BAIAP2L1: variants seen among roughly 807,000 people sequenced by gnomAD.
BAIAP2L1 encodes BAR/IMD domain-containing adapter protein 2-like 1.
Under a neutral mutation model 66.3 loss-of-function variants are expected in BAIAP2L1, and 35 were observed. The ratio of observed to expected loss-of-function variants is 0.53; its 90% CI spans 0.40 to 0.70. BAIAP2L1 has a LOEUF of 0.70. Among genes scored for constraint, BAIAP2L1 ranks in the 30% least tolerant of loss-of-function variants. The probability of loss-of-function intolerance (pLI) is 0.00; values close to 1 mark genes in which losing one functional copy is unlikely to be tolerated. For synonymous variants in BAIAP2L1, 269 were observed against 248.7 expected (o/e 1.08, Z -0.77); for missense variants, 622 against 656.9 (o/e 0.95, Z 0.58).
At position 98,293,499 on chromosome 7, in the gene BAIAP2L1, G is replaced by T. The variant is rs779072823; in HGVS notation, c.*22C>A. ...CCGCAAGGGAGAACCGGAGAGGCCCGGGAGAGTCCTTGGCTGTCCTCTCAT... is the reference window on the plus strand; with the variant it reads ...CCGCAAGGGAGAACCGGAGAGGCCCTGGAGAGTCCTTGGCTGTCCTCTCAT... On this transcript the variant is annotated 3_prime_UTR_variant, in exon 14 of 14. Transcript: ENST00000005260. The T allele has an allele frequency of 3.7e-6, 6 of 1,606,534 alleles. No homozygotes were observed. In the Admixed American group the frequency reaches 1.0e-4, roughly 27 times the overall value.
chr7:98,363,277 C>T lies in BAIAP2L1; in HGVS notation c.52-845G>A, dbSNP rs538461630. Among the ~76,000 whole-genome samples, 259 of 152,092 alleles carry T rather than the reference C, an allele frequency of 1.7e-3. 1 individual carries two copies. The highest frequency in any genetic ancestry group is 5.6e-3 in the African/African-American group (234 of 41,494). ...CTCGAACTCCTGACCTCAGGTTATC[C>T]GCGTACCTTGGCCTCCCAAAATGCT... On this transcript the variant is annotated intron_variant, in intron 1 of 13. Coordinates refer to ENST00000005260, the MANE Select transcript of BAIAP2L1 (RefSeq NM_018842.5).
chr7:98,302,930 A>G (rs1342240106), intron 12 of BAIAP2L1, among the ~76,000 whole-genome samples: 9 of 152,120 alleles, frequency 5.9e-5, no homozygotes, highest in African/African-American at 4.8e-5. Context: ...GACTACAGAC[A>G]TGTGCCACCG....
chr7:98,387,766 C>G (rs1051977737), intron 1 of BAIAP2L1, among the ~76,000 whole-genome samples: 1 of 151,730 alleles, frequency 6.6e-6, no homozygotes, highest in African/African-American at 2.4e-5. Context: ...ACTCAGAAGG[C>G]TGGGGCAGGA....
intron 1 of BAIAP2L1, among the ~76,000 whole-genome samples, chr7:98,390,552 C>T (rs576163205): frequency 6.6e-6 from 1 of 151,698 alleles, no homozygotes; most frequent in African/African-American, 2.4e-5. Flanking sequence ...CACGGTGAAA[C>T]CCCGTCTCTA....
intron 12 of BAIAP2L1, among the ~76,000 whole-genome samples, chr7:98,302,535 C>CT (rs1314129294): frequency 6.6e-6 from 1 of 152,212 alleles, no homozygotes; most frequent in Non-Finnish European, 1.5e-5. Flanking sequence ...GCAACAGACT[C>CT]TGAGCAGGGC....
rs752481813 is a variant in BAIAP2L1, at chr7:98,355,134, C to A, written c.128-6G>T. ...TTTTCCTGCCAGGATCATAGCTAGA[C>A]ACAAAAGGTGACACACAAAATCGTC... On this transcript the variant is annotated splice_region_variant and splice_polypyrimidine_tract_variant and intron_variant, in intron 2 of 13. Coordinates refer to ENST00000005260, the MANE Select transcript of BAIAP2L1 (RefSeq NM_018842.5). 6.2e-6 allele frequency: 10 copies of A among 1,602,384 alleles called. No individual in the cohort carries two copies. The highest frequency in any genetic ancestry group is 4.5e-5 in the East Asian group (2 of 44,814).
intron 9 of BAIAP2L1, chr7:98,309,177 G>A (rs1157394161): frequency 6.6e-6 from 1 of 152,328 alleles, no homozygotes; most frequent in East Asian, 1.9e-4. Flanking sequence ...TTGAGACAGA[G>A]TCTCGCTCTG....
In BAIAP2L1 at chr7:98,292,862, AAGG is replaced by A. The variant is rs2116764927; in HGVS notation, c.*656_*658del. 6.9e-7 allele frequency: 1 copy of A among 1,448,268 alleles called. No individual in the cohort carries two copies. The highest frequency in any genetic ancestry group is 1.5e-5 in the South Asian group (1 of 67,318). 89.7% of individuals were successfully genotyped at this position (1,448,268 alleles called of 1,614,324 possible). A position where few individuals can be genotyped will look rare whatever the true frequency, so the allele number is the denominator to read the frequency against. On this transcript the variant is annotated 3_prime_UTR_variant, in exon 14 of 14. Transcript: ENST00000005260. Reference sequence around the variant, plus strand: ...GTTGGCGACTCCTAACTACCAAGAAAAGGAGCTCTCGGAGGAGATTTCGTCGAG... The same window carrying A: ...GTTGGCGACTCCTAACTACCAAGAAAAGCTCTCGGAGGAGATTTCGTCGAG...
chr7:98,297,839 C>T (rs1183654978), intron 12 of BAIAP2L1, among the ~76,000 whole-genome samples: 1 of 152,226 alleles, frequency 6.6e-6, no homozygotes, highest in African/African-American at 2.4e-5. Flanking sequence ...CTGTGAAATG[C>T]AGGCTTGCTT....
intron 3 of BAIAP2L1, among the ~76,000 whole-genome samples, chr7:98,322,374 C>T (rs1387809589): frequency 6.6e-6 from 1 of 152,180 alleles, no homozygotes; most frequent in Non-Finnish European, 1.5e-5. Context: ...ACACCTCATC[C>T]TCGACATGTC....
chr7:98,391,088 C>T (rs951419038), intron 1 of BAIAP2L1, among the ~76,000 whole-genome samples: 3 of 151,382 alleles, frequency 2.0e-5, no homozygotes, highest in Non-Finnish European at 2.9e-5. Context: ...ATGATCTGCC[C>T]GCCTCGGCCT....
intron 12 of BAIAP2L1, among the ~76,000 whole-genome samples, chr7:98,296,439 A>G (rs1562962444): frequency 1.3e-5 from 2 of 152,200 alleles, no homozygotes; most frequent in Non-Finnish European, 2.9e-5. Context: ...CAGCCTGACC[A>G]ACATGGAGAA....
chr7:98,334,112 G>A (rs1469061335), intron 3 of BAIAP2L1, among the ~76,000 whole-genome samples: 1 of 152,160 alleles, frequency 6.6e-6, no homozygotes, highest in Non-Finnish European at 1.5e-5. Context: ...AATATGAAAT[G>A]AGAAATTAGG....
chr7:98,296,574 A>C (rs563614416), intron 12 of BAIAP2L1, among the ~76,000 whole-genome samples: 1 of 152,350 alleles, frequency 6.6e-6, no homozygotes, highest in African/African-American at 2.4e-5. Context: ...TGGTGAGCTG[A>C]GATTGCACCA....
rs1485010323 is a variant in BAIAP2L1, at chr7:98,305,386, C to G, written c.1242-1010G>C. 6.6e-5 allele frequency among the ~76,000 whole-genome samples: 10 copies of G among 151,936 alleles called. 1 individual carries two copies. Among genetic ancestry groups the G allele is most frequent in the Admixed American group, 6.6e-4 (10 of 15,242 alleles). On this transcript the variant is annotated intron_variant, in intron 11 of 13. Transcript: ENST00000005260. ...CTAAAAGTGTTACTCAGTTTTTGTTCCCCAGCACAATGGCATTTTAGCTCT... is the reference window on the plus strand; with the variant it reads ...CTAAAAGTGTTACTCAGTTTTTGTTGCCCAGCACAATGGCATTTTAGCTCT...
At chr7:98,356,848 A>ATGG (rs905564542) in intron 2 of BAIAP2L1, among the ~76,000 whole-genome samples, 1 of 145,300 alleles carries the variant, frequency 6.9e-6, no homozygotes, top group Non-Finnish European at 1.5e-5. Flanking sequence ...CTAGCCAGGC[A>ATGG]TGGTGGTGGT....
At chr7:98,345,958 G>A (rs1454627054) in intron 3 of BAIAP2L1, among the ~76,000 whole-genome samples, 2 of 151,974 alleles carry the variant, frequency 1.3e-5, no homozygotes. Context: ...AAGATGTACA[G>A]CAAATGAATG....
At chr7:98,317,733 T>C (rs1191465313) in intron 5 of BAIAP2L1, among the ~76,000 whole-genome samples, 2 of 148,978 alleles carry the variant, frequency 1.3e-5, no homozygotes, top group East Asian at 4.1e-4. Context: ...ACCATCTGCA[T>C]GTTGGCTGGG....
chr7:98,331,162 G>A (rs765725382), intron 3 of BAIAP2L1, among the ~76,000 whole-genome samples: 35 of 152,114 alleles, frequency 2.3e-4, no homozygotes, highest in African/African-American at 5.8e-4. Context: ...TTGAAGATAC[G>A]TCAACATAAA....
Sources: gnomAD v4.1 joint callset for allele counts (sites outside exome capture counted in the v4.1 genomes callset) on GRCh38, gnomAD v4.1.1 for gene constraint, MANE v1.5 for transcripts, NCBI Gene and HGNC (gene_info 2026-07-23, HGNC 2026-07-21) for gene names.